EXTL3: variants seen among roughly 807,000 people sequenced by gnomAD.
EXTL3 encodes the protein exostosin-like 3.
EXTL3 carries 27 observed loss-of-function variants against 69.3 expected under a neutral mutation model. The observed-to-expected ratio is 0.39, with a 90% CI of 0.29 to 0.54. The LOEUF (loss-of-function observed/expected upper bound fraction) is 0.54, where lower values mean the gene tolerates loss of function less well. Among genes scored for constraint, EXTL3 ranks in the 20% least tolerant of loss-of-function variants. EXTL3 has a pLI of 0.69. For synonymous variants in EXTL3, 511 were observed against 499.4 expected (o/e 1.02, Z -0.31); for missense variants, 1,003 against 1,231.8 (o/e 0.81, Z 2.78).
chr8:28,626,446 G>A (rs1806492852), intron 1 of EXTL3, among the ~76,000 whole-genome samples: 1 of 152,154 alleles, frequency 6.6e-6, no homozygotes, highest in African/African-American at 2.4e-5. Flanking sequence ...GCAGTGATTA[G>A]GAAAGAAATG....
intron 1 of EXTL3, among the ~76,000 whole-genome samples, chr8:28,644,090 TAC>T (rs1161406260): frequency 6.6e-6 from 1 of 152,176 alleles, no homozygotes; most frequent in Non-Finnish European, 1.5e-5. Context: ...AAAACATTTT[TAC>T]AGTTTGATTT....
At chr8:28,714,750 C>T (rs139032213) in intron 2 of EXTL3, among the ~76,000 whole-genome samples, 353 of 152,346 alleles carry the variant, frequency 2.3e-3, no homozygotes, top group Non-Finnish European at 4.2e-3. Flanking sequence ...GAGAGCAGGG[C>T]TGGGAGTGTT....
intron 6 of EXTL3, among the ~76,000 whole-genome samples, chr8:28,744,817 C>G (rs1404982956): frequency 6.8e-6 from 1 of 147,608 alleles, no homozygotes; most frequent in African/African-American, 2.5e-5. Flanking sequence ...TACACACACA[C>G]GCACACACAG....
intron 1 of EXTL3, among the ~76,000 whole-genome samples, chr8:28,657,612 G>T (rs1019748474): frequency 2.0e-5 from 3 of 151,930 alleles, no homozygotes; most frequent in Non-Finnish European, 4.4e-5. Context: ...TCATGGTTTG[G>T]TTTTTATTTT....
chr8:28,608,179 A>T (rs7839487), intron 2 of EXTL3, among the ~76,000 whole-genome samples: 6 of 151,816 alleles, frequency 4.0e-5, no homozygotes, highest in African/African-American at 1.5e-4. Flanking sequence ...ACACACAGAG[A>T]ACTTCCCTTT....
upstream of EXTL3, among the ~76,000 whole-genome samples, chr8:28,621,094 CAA>C (rs1806404381): frequency 6.6e-6 from 1 of 152,104 alleles, no homozygotes; most frequent in African/African-American, 2.4e-5. Flanking sequence ...TGTGATTTTC[CAA>C]AGATTACACT....
At chr8:28,691,659 A>G (rs2130678544) in intron 1 of EXTL3, among the ~76,000 whole-genome samples, 1 of 148,972 alleles carries the variant, frequency 6.7e-6, no homozygotes. Context: ...GCACTTTGGG[A>G]GGCTGAGGTG....
At chr8:28,663,002 T>A (rs1192848203) in intron 1 of EXTL3, among the ~76,000 whole-genome samples, 1 of 152,214 alleles carries the variant, frequency 6.6e-6, no homozygotes, top group Non-Finnish European at 1.5e-5. Flanking sequence ...TGTATTACCG[T>A]ACTATCAGTT....
Position 28,701,513 on chromosome 8 carries a change from G to A in EXTL3, c.-716G>A, listed in dbSNP as rs1225119489. On this transcript the variant is annotated 5_prime_UTR_variant, in exon 1 of 7. Coordinates refer to ENST00000220562, the MANE Select transcript of EXTL3 (RefSeq NM_001440.4). The stretch of plus-strand genomic sequence containing the variant: ...CCTTCGGCAAGTTCCGCAGTCGCCT[G>A]TCGGAAATGGCTGCCGGCCGGCAGG... 6.6e-6 allele frequency: 1 copy of A among 152,602 alleles called. No individual in the cohort carries two copies. Among genetic ancestry groups the A allele is most frequent in the Non-Finnish European group, 1.5e-5 (1 of 67,944 alleles). 9.5% of individuals were successfully genotyped at this position (152,602 alleles called of 1,614,324 possible). A position where few individuals can be genotyped will look rare whatever the true frequency, so the allele number is the denominator to read the frequency against.
intron 1 of EXTL3, among the ~76,000 whole-genome samples, chr8:28,657,271 A>C (rs1285808469): frequency 6.6e-6 from 1 of 152,204 alleles, no homozygotes; most frequent in African/African-American, 2.4e-5. Flanking sequence ...AGTATAAGGA[A>C]GAAAGTGGTT....
chr8:28,623,261 C>A lies in EXTL3; in HGVS notation c.-53+451C>A, dbSNP rs1429046683. On this transcript the variant is annotated intron_variant, in intron 1 of 6. Transcript: ENST00000523149. This position sits in a 1 kb window ranked among gnomAD's most constrained non-coding sequence, Gnocchi z 4.2. ...TCGCGCGCTGTCAGGAGGCGCTGTCCCCGTGGGTAAGCCCGTGCCGTGGGT... is the reference window on the plus strand; with the variant it reads ...TCGCGCGCTGTCAGGAGGCGCTGTCACCGTGGGTAAGCCCGTGCCGTGGGT... Among the ~76,000 whole-genome samples the A allele has an allele frequency of 6.6e-6, 1 of 152,164 alleles. No individual in the cohort carries two copies. The highest frequency in any genetic ancestry group is 2.4e-5 in the African/African-American group (1 of 41,438).
At position 28,716,676 on chromosome 8, in the gene EXTL3, T is replaced by C. The variant is rs1432248123; in HGVS notation, c.617T>C (p.Phe206Ser). The change falls in exon 3 of 7, where the codon TTT becomes TCT. Residue 206 changes from phenylalanine to serine, a missense_variant. This residue lies in a region of EXTL3 where 742 missense variants were observed against 815.4 expected (regional missense o/e 0.91). Coordinates refer to ENST00000220562, the MANE Select transcript of EXTL3 (RefSeq NM_001440.4). This position sits in a 1 kb window ranked among gnomAD's most constrained non-coding sequence, Gnocchi z 7.1. ...VYVYDSDQFV[F>S]GSYLDPLVKQ... ...GTCTATGACAGTGACCAGTTTGTCT[T>C]TGGCAGCTACCTGGATCCCTTGGTC... The C allele has an allele frequency of 2.2e-5, 35 of 1,614,088 alleles. No individual in the cohort carries two copies. The East Asian group carries it at 7.8e-4, about 36-fold the overall frequency.
intron 1 of EXTL3, among the ~76,000 whole-genome samples, chr8:28,703,069 T>TA (rs1448941534): frequency 1.3e-5 from 2 of 152,184 alleles, no homozygotes; most frequent in Non-Finnish European, 2.9e-5. Context: ...TTTGATGTGT[T>TA]AAAAATACCT....
Position 28,737,093 on chromosome 8 carries a change from A to T in EXTL3, c.2277-426A>T, listed in dbSNP as rs376844463. The stretch of plus-strand genomic sequence containing the variant: ...CCCAAGTGCTGAGGTTACAGGCATG[A>T]GCCATCCCACCAAGCCCTTTCTTGG... On this transcript the variant is annotated intron_variant, in intron 4 of 6. Transcript: ENST00000220562. 1.6e-4 allele frequency among the ~76,000 whole-genome samples: 25 copies of T among 152,360 alleles called. No homozygotes were observed. The South Asian group carries it at 5.2e-3, about 32-fold the overall frequency.
At chr8:28,710,540 T>C in intron 1 of EXTL3, 1 of 454,126 alleles carries the variant, frequency 2.2e-6, no homozygotes, top group South Asian at 1.6e-5. Flanking sequence ...TGGATAGGAT[T>C]ACCCTAATAT....
chr8:28,636,705 G>A (rs1273019832), intron 1 of EXTL3, among the ~76,000 whole-genome samples: 1 of 152,108 alleles, frequency 6.6e-6, no homozygotes, highest in African/African-American at 2.4e-5. Context: ...CGTTTACTCT[G>A]CGGAAAACTT....
At chr8:28,621,814 A>G (rs1455099127), upstream of EXTL3, among the ~76,000 whole-genome samples, 1 of 152,188 alleles carries the variant, frequency 6.6e-6, no homozygotes, top group East Asian at 1.9e-4. Flanking sequence ...GGACACGCAG[A>G]TTTGCCACAG....
chr8:28,749,327 T>C (rs1282069530), intron 6 of EXTL3, among the ~76,000 whole-genome samples: 1 of 152,132 alleles, frequency 6.6e-6, no homozygotes, highest in Non-Finnish European at 1.5e-5. Context: ...AACAAACAGA[T>C]TGGAAAGCCC....
chr8:28,715,790 A>C lies in EXTL3; in HGVS notation c.-270A>C, dbSNP rs1019458767. The C allele has an allele frequency of 4.3e-6, 2 of 470,088 alleles. No individual in the cohort carries two copies. Among genetic ancestry groups the C allele is most frequent in the Non-Finnish European group, 7.6e-6 (2 of 264,020 alleles). 29.1% of individuals were successfully genotyped at this position (470,088 alleles called of 1,614,324 possible). A position where few individuals can be genotyped will look rare whatever the true frequency, so the allele number is the denominator to read the frequency against. On this transcript the variant is annotated 5_prime_UTR_variant, in exon 3 of 7. Coordinates refer to ENST00000220562, the MANE Select transcript of EXTL3 (RefSeq NM_001440.4). ...GGTACCTCCTCCCTTTCATCTCAGC[A>C]AGAATGTGGCACCTTTTATCGTTTG... is the stretch of plus-strand genomic sequence containing the variant.
Sources: gnomAD v4.1 joint callset for allele counts (sites outside exome capture counted in the v4.1 genomes callset) on GRCh38, gnomAD v4.1.1 for gene constraint, gnomAD v4.1.1 regional missense constraint, Gnocchi (gnomAD v3.1) non-coding constraint, MANE v1.5 for transcripts, NCBI Gene and HGNC (gene_info 2026-07-23, HGNC 2026-07-21) for gene names.